The following CRBN variants were observed in gnomAD, a reference collection of about 807,000 sequenced individuals.
CRBN encodes the protein protein cereblon.
Under a neutral mutation model 62.2 loss-of-function variants are expected in CRBN, and 53 were observed. The ratio of observed to expected loss-of-function variants is 0.85; its 90% CI spans 0.68 to 1.07. The LOEUF (loss-of-function observed/expected upper bound fraction) is 1.07, where lower values mean the gene tolerates loss of function less well. CRBN is among the 50% of genes least tolerant of loss of function. The pLI, the probability that CRBN is intolerant of heterozygous loss-of-function variation, is 0.00. For synonymous variants in CRBN, 208 were observed against 176.1 expected, an observed-to-expected ratio of 1.18 and a Z score of -1.43; for missense variants, 616 against 531.1, an observed-to-expected ratio of 1.16 and a Z score of -1.57.
intron 5 of CRBN, among the ~76,000 whole-genome samples, chr3:3,157,623 G>A (rs1257699709): frequency 6.6e-6 from 1 of 152,150 alleles, no homozygotes; most frequent in Non-Finnish European, 1.5e-5. Flanking sequence ...AGTAAGATCT[G>A]CAGGAAACGT....
intron 10 of CRBN, among the ~76,000 whole-genome samples, chr3:3,151,464 A>G (rs1345177537): frequency 6.6e-6 from 1 of 151,344 alleles, no homozygotes; most frequent in Non-Finnish European, 1.5e-5. Context: ...GTTAAACTGG[A>G]TGGGCCAGGA....
chr3:3,178,934 T>C (rs1429200488), intron 1 of CRBN, among the ~76,000 whole-genome samples: 2 of 152,062 alleles, frequency 1.3e-5, no homozygotes, highest in African/African-American at 4.8e-5. Context: ...AGTCTAAACA[T>C]TTCACACAAC....
intron 5 of CRBN, among the ~76,000 whole-genome samples, chr3:3,157,247 G>C (rs1444424890): frequency 6.6e-6 from 1 of 152,146 alleles, no homozygotes; most frequent in Non-Finnish European, 1.5e-5. Flanking sequence ...AAATACATTA[G>C]AATATGTTTA....
At chr3:3,166,334 TCTTC>T (rs1707330368) in intron 5 of CRBN, among the ~76,000 whole-genome samples, 1 of 152,164 alleles carries the variant, frequency 6.6e-6, no homozygotes. Context: ...CGTGACTTGC[TCTTC>T]CTTGACTTTC....
rs186427425 is a variant in CRBN, at chr3:3,161,656, G to T, written c.688-5375C>A. On this transcript the variant is annotated intron_variant, in intron 5 of 10. Transcript: ENST00000231948. ...CCCGCCTCAGCCTCCCAAAGTGCTG[G>T]GATTACAGGCGTGAGCCACTGTGCC... Among the ~76,000 whole-genome samples the T allele has an allele frequency of 5.2e-4, 79 of 152,142 alleles. 1 individual carries two copies. The East Asian group carries it at 0.015, about 28-fold the overall frequency.
In CRBN at chr3:3,170,816, T is replaced by C. The variant is rs528831363; in HGVS notation, c.527+1960A>G. Among the ~76,000 whole-genome samples the C allele has an allele frequency of 3.3e-5, 5 of 152,308 alleles. No individual in the cohort carries two copies. The East Asian group carries it at 5.8e-4, about 18-fold the overall frequency. ...TATCAGTTTGATGTTAATCTTTTTT[T>C]TCCTTTGAGATGGAGTTTTCCTCTT... is the stretch of plus-strand genomic sequence containing the variant. On this transcript the variant is annotated intron_variant, in intron 4 of 10. Transcript: ENST00000231948.
In CRBN at chr3:3,167,694, A is replaced by C. The variant is rs1707405029; in HGVS notation, c.627T>G (p.Pro209=). The part of the protein sequence containing the change: ...LESLNKCQIF[P]SKPVSREDQC... Reference sequence around the variant, plus strand: ...GGTCTTCTCTTGAGACAGGTTTTGAAGGAAATATCTGGCACTTATTGAGGG... The same window carrying C: ...GGTCTTCTCTTGAGACAGGTTTTGACGGAAATATCTGGCACTTATTGAGGG... Residue 209 remains proline (P), a synonymous_variant, in exon 5 of 11, where the codon CCT becomes CCG. Transcript: ENST00000231948. The C allele has an allele frequency of 6.2e-7, 1 of 1,613,504 alleles. No individual in the cohort carries two copies. The highest frequency in any genetic ancestry group is 1.3e-5 in the African/African-American group (1 of 74,912).
chr3:3,155,079 T>C, intron 6 of CRBN: 1 of 525,032 alleles, frequency 1.9e-6, no homozygotes, highest in South Asian at 2.1e-5. Context: ...CCCAACTCCC[T>C]TGCAGATTGT....
intron 5 of CRBN, among the ~76,000 whole-genome samples, chr3:3,162,927 A>G (rs1707196421): frequency 6.6e-6 from 1 of 152,234 alleles, no homozygotes; most frequent in African/African-American, 2.4e-5. Context: ...AAACACTGTT[A>G]CATAATCCAG....
rs376943771 is a variant in CRBN at position 3,166,921 on chromosome 3, CTG to C, written c.687+711_687+712del. On this transcript the variant is annotated intron_variant, in intron 5 of 10. Coordinates refer to ENST00000231948, the MANE Select transcript of CRBN (RefSeq NM_016302.4). ...AGAATTTTTAAGGTTACAGTGGAAA[CTG>C]TCTTTCCATATTAAAAAAAAAAACT... Among the ~76,000 whole-genome samples the C allele has an allele frequency of 1.8e-3, 275 of 149,404 alleles. 2 individuals are homozygous for C. Among genetic ancestry groups the C allele is most frequent in the African/African-American group, 6.3e-3 (259 of 41,256 alleles).
At chr3:3,176,964 C>T (rs774119340) in intron 1 of CRBN, among the ~76,000 whole-genome samples, 1 of 152,172 alleles carries the variant, frequency 6.6e-6, no homozygotes, top group African/African-American at 2.4e-5. Context: ...AATTTCCTAT[C>T]CTAGACCAGT....
chr3:3,162,399 A>T (rs1212793342), intron 5 of CRBN, among the ~76,000 whole-genome samples: 3 of 152,038 alleles, frequency 2.0e-5, no homozygotes. Flanking sequence ...AGGCACTGTG[A>T]TGGGAGAAGA....
chr3:3,161,256 C>T (rs371972839), intron 5 of CRBN, among the ~76,000 whole-genome samples: 6 of 152,014 alleles, frequency 3.9e-5, no homozygotes, highest in Non-Finnish European at 5.9e-5. Flanking sequence ...ATCAACAAGC[C>T]GTAGAAAAAT....
At chr3:3,177,194 T>C (rs1242335171) in intron 1 of CRBN, among the ~76,000 whole-genome samples, 1 of 152,246 alleles carries the variant, frequency 6.6e-6, no homozygotes, top group Non-Finnish European at 1.5e-5. Context: ...ATCTCATTTC[T>C]CACCTCCCAG....
chr3:3,169,491 C>G (rs1174145065), intron 4 of CRBN, among the ~76,000 whole-genome samples: 1 of 152,036 alleles, frequency 6.6e-6, no homozygotes, highest in South Asian at 2.1e-4. Context: ...AAAAACCGCA[C>G]AAATCTGGAA....
rs1329237384 is a variant in CRBN, at chr3:3,156,322, ATAAAGAT to A, written c.688-48_688-42del. ...AAAGGCACTTAAAAAACCCCACAGA[ATAAAGAT>A]TCTAATGCTGGAATGAGCAACATCT... is the stretch of plus-strand genomic sequence containing the variant. On this transcript the variant is annotated intron_variant, in intron 5 of 10. Coordinates refer to ENST00000231948, the MANE Select transcript of CRBN (RefSeq NM_016302.4). 1.3e-5 allele frequency: 20 copies of A among 1,546,410 alleles called. 1 individual carries two copies. In the East Asian group the frequency reaches 4.5e-4, roughly 35 times the overall value.
At chr3:3,155,921 C>G in intron 6 of CRBN, 1 of 345,732 alleles carries the variant, frequency 2.9e-6, no homozygotes. Flanking sequence ...ATCCTTCCAC[C>G]TCAGCCTCTC....
At chr3:3,166,959 A>G (rs942299985) in intron 5 of CRBN, among the ~76,000 whole-genome samples, 4 of 152,012 alleles carry the variant, frequency 2.6e-5, no homozygotes, top group Non-Finnish European at 5.9e-5. Flanking sequence ...CAAAAAGCCC[A>G]ATTATTCTAA....
At chr3:3,173,658 C>T (rs1410120317) in intron 3 of CRBN, among the ~76,000 whole-genome samples, 2 of 152,040 alleles carry the variant, frequency 1.3e-5, no homozygotes, top group African/African-American at 4.8e-5. Flanking sequence ...TAAAGTGGTA[C>T]AACCTATGAA....
Sources: allele counts gnomAD v4.1 joint callset (sites outside exome capture counted in the v4.1 genomes callset), GRCh38; gene constraint gnomAD v4.1.1; transcripts MANE v1.5; gene names NCBI Gene and HGNC (gene_info 2026-07-23, HGNC 2026-07-21).